The following CDH12 variants were observed in gnomAD, a reference collection of about 807,000 sequenced individuals.
CDH12 encodes cadherin-12.
Under a neutral mutation model 74.1 loss-of-function variants are expected in CDH12, and 41 were observed. The ratio of observed to expected loss-of-function variants is 0.55; its 90% confidence interval spans 0.43 to 0.72. The LOEUF (loss-of-function observed/expected upper bound fraction) is 0.72, where lower values mean the gene tolerates loss of function less well. Ranked by LOEUF, CDH12 falls within the 30% of genes least tolerant of loss-of-function variation. CDH12 has a pLI of 0.00. For missense variants in CDH12, 945 were observed against 977.2 expected (o/e 0.97, Z 0.44); for synonymous variants, 399 against 355.0 (o/e 1.12, Z -1.39).
chr5:22,845,646 A>G (rs1359568716), intron 1 of CDH12, among the ~76,000 whole-genome samples: 6 of 152,142 alleles, frequency 3.9e-5, no homozygotes, highest in Non-Finnish European at 7.4e-5. Flanking sequence ...CTTTCAGACA[A>G]TTGTTAGAGA....
At chr5:22,725,451 A>G (rs1328497624) in intron 1 of CDH12, among the ~76,000 whole-genome samples, 14 of 151,806 alleles carry the variant, frequency 9.2e-5, no homozygotes, top group Non-Finnish European at 1.6e-4. Flanking sequence ...ATTCAGCATG[A>G]ATTGAATATA....
intron 3 of CDH12, among the ~76,000 whole-genome samples, chr5:22,275,486 G>T (rs1013366238): frequency 6.6e-6 from 1 of 152,060 alleles, no homozygotes; most frequent in African/African-American, 2.4e-5. Context: ...CAGTAAAGCT[G>T]TACTTTACTT....
At chr5:22,135,353 C>A (rs1746400996) in intron 4 of CDH12, among the ~76,000 whole-genome samples, 1 of 151,600 alleles carries the variant, frequency 6.6e-6, no homozygotes, top group Non-Finnish European at 1.5e-5. Flanking sequence ...TTTTCCTTAA[C>A]ATTTTAAAAC....
At chr5:22,842,278 T>G (rs1044344880) in intron 1 of CDH12, among the ~76,000 whole-genome samples, 1 of 152,124 alleles carries the variant, frequency 6.6e-6, no homozygotes, top group Non-Finnish European at 1.5e-5. Flanking sequence ...AAATGGAAGA[T>G]GGCTAAAATT....
chr5:22,091,575 G>A (rs1203985994), intron 4 of CDH12, among the ~76,000 whole-genome samples: 2 of 151,912 alleles, frequency 1.3e-5, no homozygotes, highest in Admixed American at 1.3e-4. Flanking sequence ...CTATGTAAAT[G>A]AGTGGGCATA....
Position 22,089,652 on chromosome 5 carries a change from A to T in CDH12, c.-186-10790T>A, listed in dbSNP as rs374804920. Among the ~76,000 whole-genome samples the T allele has an allele frequency of 4.6e-5, 7 of 152,322 alleles. No homozygotes were observed. The East Asian group carries it at 1.4e-3, about 29-fold the overall frequency. Reference sequence around the variant, plus strand: ...TTTGATCTGGGAGAAGAAATAACCAAGATTAAAATTTTACCACATACCTTC... The same window carrying T: ...TTTGATCTGGGAGAAGAAATAACCATGATTAAAATTTTACCACATACCTTC... On this transcript the variant is annotated intron_variant, in intron 4 of 14. Transcript: ENST00000382254.
intron 1 of CDH12, among the ~76,000 whole-genome samples, chr5:22,714,976 C>A (rs1743497250): frequency 6.6e-6 from 1 of 152,124 alleles, no homozygotes; most frequent in South Asian, 2.1e-4. Context: ...TGGTGCATCT[C>A]TCAGAACGTC....
intron 1 of CDH12, among the ~76,000 whole-genome samples, chr5:22,734,720 G>C (rs978213168): frequency 1.2e-4 from 18 of 151,884 alleles, no homozygotes; most frequent in Admixed American, 2.6e-4. Flanking sequence ...CCCCCTCTAA[G>C]ACACCCATGC....
At chr5:21,863,444 A>G (rs1262524155) in intron 6 of CDH12, among the ~76,000 whole-genome samples, 2 of 152,180 alleles carry the variant, frequency 1.3e-5, no homozygotes. Flanking sequence ...ACTATAGTAA[A>G]ACAATTTTAC....
intron 2 of CDH12, among the ~76,000 whole-genome samples, chr5:22,413,705 T>C (rs1248584202): frequency 6.6e-6 from 1 of 152,082 alleles, no homozygotes; most frequent in African/African-American, 2.4e-5. Context: ...TACATTAGCA[T>C]AGCATATAGA....
chr5:22,423,371 T>C (rs562384408), intron 2 of CDH12, among the ~76,000 whole-genome samples: 7 of 152,240 alleles, frequency 4.6e-5, no homozygotes, highest in African/African-American at 1.4e-4. Flanking sequence ...TTGGAGCCAC[T>C]CTGAGAGATC....
intron 6 of CDH12, among the ~76,000 whole-genome samples, chr5:21,913,509 T>G (rs1753954201): frequency 6.6e-6 from 1 of 152,160 alleles, no homozygotes; most frequent in Non-Finnish European, 1.5e-5. Flanking sequence ...CAAATTTTCC[T>G]TCAGTAACTT....
chr5:21,824,325 C>G (rs1748541573), intron 8 of CDH12, among the ~76,000 whole-genome samples: 1 of 152,106 alleles, frequency 6.6e-6, no homozygotes, highest in Non-Finnish European at 1.5e-5. Flanking sequence ...TGGAGCTGCA[C>G]AGTGCACTTG....
intron 4 of CDH12, among the ~76,000 whole-genome samples, chr5:22,199,703 C>T (rs62349150): frequency 0.3 from 45,957 of 150,716 alleles, 6,954 homozygotes; most frequent in South Asian, 0.38. Flanking sequence ...GATATTAAAC[C>T]TGTTTACTTT....
At chr5:22,153,461 C>G (rs1239500646) in intron 4 of CDH12, among the ~76,000 whole-genome samples, 1 of 151,782 alleles carries the variant, frequency 6.6e-6, no homozygotes, top group Non-Finnish European at 1.5e-5. Context: ...CACCCATGCT[C>G]TGAGGCTCTA....
chr5:22,852,656 G>T (rs930522680), intron 1 of CDH12, among the ~76,000 whole-genome samples: 1 of 152,088 alleles, frequency 6.6e-6, no homozygotes, highest in Non-Finnish European at 1.5e-5. Context: ...CGGCATCTCT[G>T]GAAGCTCTTT....
chr5:22,397,481 A>T (rs1175440669), intron 3 of CDH12, among the ~76,000 whole-genome samples: 1 of 149,550 alleles, frequency 6.7e-6, no homozygotes, highest in Non-Finnish European at 1.5e-5. Context: ...TTCTTTTGGA[A>T]CTGAGTTGCT....
At chr5:22,529,798 A>G (rs903659405) in intron 1 of CDH12, among the ~76,000 whole-genome samples, 5 of 152,160 alleles carry the variant, frequency 3.3e-5, no homozygotes, top group African/African-American at 7.2e-5. Flanking sequence ...GGCAATGAGA[A>G]AGAAAATAAT....
intron 1 of CDH12, among the ~76,000 whole-genome samples, chr5:22,517,839 T>A (rs1736871314): frequency 6.6e-6 from 1 of 152,196 alleles, no homozygotes; most frequent in African/African-American, 2.4e-5. Flanking sequence ...TCTAGGCAAA[T>A]ATATATTTTT....
Sources: gnomAD v4.1 joint callset for allele counts (sites outside exome capture counted in the v4.1 genomes callset) on GRCh38, gnomAD v4.1.1 for gene constraint, MANE v1.5 for transcripts, NCBI Gene and HGNC (gene_info 2026-07-23, HGNC 2026-07-21) for gene names.